HS6ST2: variants seen among roughly 807,000 people sequenced by gnomAD.
The protein encoded by HS6ST2 is heparan-sulfate 6-O-sulfotransferase 2.
A neutral mutation model predicts 33.0 loss-of-function variants in HS6ST2; 17 were observed. The observed-to-expected ratio is 0.52, with a 90% confidence interval of 0.35 to 0.77. The LOEUF (loss-of-function observed/expected upper bound fraction) is 0.77, where lower values mean the gene tolerates loss of function less well. Among genes scored for constraint, HS6ST2 ranks in the 30% least tolerant of loss-of-function variants. The pLI is 0.01. For synonymous variants in HS6ST2, 248 were observed against 237.1 expected (o/e 1.05, Z -0.42); for missense variants, 519 against 551.7 (o/e 0.94, Z 0.59).
At chrX:132,945,344 G>A (rs1035633565) in intron 2 of HS6ST2, among the ~76,000 whole-genome samples, 2 of 111,691 alleles carry the variant, frequency 1.8e-5, no homozygotes, top group African/African-American at 6.5e-5. Flanking sequence ...TCATTAAAAA[G>A]TCAAGAAACA....
At chrX:132,885,956 A>G (rs1165793570) in intron 2 of HS6ST2, among the ~76,000 whole-genome samples, 2 of 111,824 alleles carry the variant, frequency 1.8e-5, no homozygotes, top group African/African-American at 6.5e-5. Flanking sequence ...AACAACACCA[A>G]CCATCAGAGG....
intron 2 of HS6ST2, among the ~76,000 whole-genome samples, chrX:132,786,104 A>G (rs1207771258): frequency 8.9e-6 from 1 of 112,271 alleles, no homozygotes; most frequent in Non-Finnish European, 1.9e-5. Flanking sequence ...TCTGAGGGTT[A>G]AATGGGGTAA....
chrX:132,650,708 A>G (rs1304137617), intron 4 of HS6ST2, among the ~76,000 whole-genome samples: 1 of 103,337 alleles, frequency 9.7e-6, no homozygotes, highest in Non-Finnish European at 2.0e-5. Context: ...CCCTGCCCCA[A>G]TGCAGGATAT....
At chrX:132,779,850 A>G (rs1297141119) in intron 2 of HS6ST2, among the ~76,000 whole-genome samples, 1 of 111,044 alleles carries the variant, frequency 9.0e-6, no homozygotes, top group African/African-American at 3.3e-5. Flanking sequence ...ACTGAGACTC[A>G]GAGAGATAGT....
chrX:132,689,707 T>A (rs191774979), intron 3 of HS6ST2, among the ~76,000 whole-genome samples: 1,540 of 111,952 alleles, frequency 0.014, 30 homozygotes, highest in African/African-American at 0.048. Flanking sequence ...TAAACTCCCC[T>A]CTGGTTAAGA....
intron 3 of HS6ST2, among the ~76,000 whole-genome samples, chrX:132,675,910 A>G (rs776347247): frequency 9.1e-6 from 1 of 109,773 alleles, no homozygotes; most frequent in Non-Finnish European, 1.9e-5. Flanking sequence ...CTCTCTTAGC[A>G]TCCTTGGTTT....
At chrX:132,663,514 G>A (rs2063788399) in intron 4 of HS6ST2, among the ~76,000 whole-genome samples, 1 of 112,012 alleles carries the variant, frequency 8.9e-6, no homozygotes, top group Non-Finnish European at 1.9e-5. Flanking sequence ...TTTGTCATTC[G>A]TCTTTTTCTA....
rs140478532 is a variant in HS6ST2, at chrX:132,942,572, G to C, written c.947+14236C>G. ...CAAAATGGATTCTTATTATCTTCAT[G>C]ATGAGCCCCCAAAATAAGAATAGCC... is the stretch of plus-strand genomic sequence containing the variant. On this transcript the variant is annotated intron_variant, in intron 2 of 4. Coordinates refer to ENST00000370833, the MANE Select transcript of HS6ST2 (RefSeq NM_001394073.1). Among the ~76,000 whole-genome samples the C allele has an allele frequency of 2.1e-4, 24 of 111,898 alleles. 1 individual carries two copies. In the East Asian group the frequency reaches 3.4e-3, roughly 16 times the overall value.
intron 3 of HS6ST2, among the ~76,000 whole-genome samples, chrX:132,704,445 T>C (rs938852209): frequency 9.0e-6 from 1 of 110,652 alleles, no homozygotes; most frequent in Non-Finnish European, 1.9e-5. Context: ...TCCCAGCTAC[T>C]TGGGAGGCTG....
At position 132,848,011 on chromosome X, in the gene HS6ST2, G is replaced by T. The variant is rs1175532545; in HGVS notation, c.947+108797C>A. On this transcript the variant is annotated intron_variant, in intron 2 of 4. Transcript: ENST00000370833. ...AGGCAAGGATAACGACTTGGTTGTA[G>T]AAACAGCTGGTGCATCAGATGGGGG... Among the ~76,000 whole-genome samples the T allele has an allele frequency of 2.7e-5, 3 of 112,434 alleles. No homozygotes were observed. In the East Asian group the frequency reaches 8.5e-4, roughly 32 times the overall value.
chrX:132,637,321 A>G (rs2063555874), intron 4 of HS6ST2, among the ~76,000 whole-genome samples: 1 of 111,394 alleles, frequency 9.0e-6, no homozygotes, highest in African/African-American at 3.3e-5. Flanking sequence ...TTCAGAGATC[A>G]GAAGTCTCTC....
At chrX:132,958,671 C>T, upstream of HS6ST2, 1 of 981,538 alleles carries the variant, frequency 1.0e-6, no homozygotes, top group South Asian at 2.5e-5. Context: ...TAATGCCTCA[C>T]GCCTAAGAGC....
intron 2 of HS6ST2, among the ~76,000 whole-genome samples, chrX:132,887,088 T>C (rs1289684592): frequency 9.1e-6 from 1 of 109,326 alleles, no homozygotes; most frequent in African/African-American, 3.3e-5. Flanking sequence ...GAGCTGAGAT[T>C]AGGCCACTGC....
intron 1 of HS6ST2, among the ~76,000 whole-genome samples, 199 bp downstream of exon 1, chrX:132,957,976 C>A (rs184258455): frequency 8.9e-6 from 1 of 111,967 alleles, no homozygotes; most frequent in Non-Finnish European, 1.9e-5. Context: ...GCTGCGCTGC[C>A]GGTGCCCGCG....
chrX:132,726,511 G>A (rs1438164659), intron 2 of HS6ST2, among the ~76,000 whole-genome samples: 1 of 111,691 alleles, frequency 9.0e-6, no homozygotes, highest in Admixed American at 9.5e-5. Context: ...CTTTATGAAG[G>A]TATAACTCAC....
At chrX:132,634,305 T>C (rs1011354121) in intron 4 of HS6ST2, among the ~76,000 whole-genome samples, 1 of 112,123 alleles carries the variant, frequency 8.9e-6, no homozygotes, top group Non-Finnish European at 1.9e-5. Flanking sequence ...TGCCGCTGAA[T>C]GGACTGACTG....
At chrX:132,738,400 G>A (rs991735034) in intron 2 of HS6ST2, among the ~76,000 whole-genome samples, 1 of 112,408 alleles carries the variant, frequency 8.9e-6, no homozygotes, top group African/African-American at 3.2e-5. Flanking sequence ...CAGTGGAAGT[G>A]TACAAATGCT....
chrX:132,950,711 C>T (rs1273207480), intron 2 of HS6ST2, among the ~76,000 whole-genome samples: 1 of 111,912 alleles, frequency 8.9e-6, no homozygotes, highest in Non-Finnish European at 1.9e-5. Context: ...CTAATCAGCT[C>T]GTGAGAGTTC....
At chrX:132,897,450 G>A (rs1168654571) in intron 2 of HS6ST2, among the ~76,000 whole-genome samples, 1 of 111,353 alleles carries the variant, frequency 9.0e-6, no homozygotes, top group African/African-American at 3.3e-5. Flanking sequence ...TAGCCTTTAA[G>A]TACATAATTA....
Sources: gnomAD v4.1 joint callset for allele counts (sites outside exome capture counted in the v4.1 genomes callset) on GRCh38, gnomAD v4.1.1 for gene constraint, MANE v1.5 for transcripts, NCBI Gene and HGNC (gene_info 2026-07-23, HGNC 2026-07-21) for gene names.